ADARB1: variants seen among roughly 807,000 people sequenced by gnomAD.
The protein encoded by ADARB1 is adenosine deaminase RNA specific B1, also known as double-stranded RNA-specific editase 1.
Under a neutral mutation model 52.4 loss-of-function variants are expected in ADARB1, and 10 were observed. The ratio of observed to expected loss-of-function variants is 0.19; its 90% CI spans 0.12 to 0.32. The LOEUF is 0.32. Among genes scored for constraint, ADARB1 ranks in the 10% least tolerant of loss-of-function variants. The pLI, the probability that ADARB1 is intolerant of heterozygous loss-of-function variation, is 1.00. For missense variants in ADARB1, 643 were observed against 922.3 expected (o/e 0.70, Z 3.92); for synonymous variants, 349 against 371.1 (o/e 0.94, Z 0.68).
At chr21:45,219,789 A>G (rs1216996132) in intron 9 of ADARB1, among the ~76,000 whole-genome samples, 1 of 152,126 alleles carries the variant, frequency 6.6e-6, no homozygotes, top group East Asian at 1.9e-4. Flanking sequence ...GTCTCTGGCG[A>G]AGCTTCCCCA....
chr21:45,171,762 A>G (rs1407143688), intron 3 of ADARB1, 78 bp downstream of exon 3: 3 of 1,345,242 alleles, frequency 2.2e-6, no homozygotes, highest in African/African-American at 3.0e-5. Context: ...AATGTATTTC[A>G]TGAGACCAGT....
At chr21:45,150,714 G>A (rs2090241282) in intron 2 of ADARB1, among the ~76,000 whole-genome samples, 1 of 152,176 alleles carries the variant, frequency 6.6e-6, no homozygotes, top group Non-Finnish European at 1.5e-5. Context: ...GCTTTCATGA[G>A]ATGCTGCTTT....
intron 2 of ADARB1, among the ~76,000 whole-genome samples, chr21:45,166,927 A>G (rs1010318255): frequency 2.0e-5 from 3 of 151,844 alleles, no homozygotes; most frequent in Non-Finnish European, 4.4e-5. Flanking sequence ...CATAGGGGAT[A>G]TTTGATAGGG....
chr21:45,218,325 G>A (rs887688385), intron 9 of ADARB1, among the ~76,000 whole-genome samples: 3 of 152,000 alleles, frequency 2.0e-5, no homozygotes, highest in African/African-American at 7.3e-5. Flanking sequence ...CTATTCTGTG[G>A]TTAGTCCCAT....
In ADARB1 at chr21:45,176,054, A is replaced by T; in HGVS notation, c.353A>T (p.Gln118Leu). The change falls in exon 4 of 11, where the codon CAG (glutamine) becomes CTG (leucine). Residue 118 changes from glutamine (Q) to leucine (L), a missense_variant. Gln to Leu is a moderately radical substitution (Grantham distance 113, BLOSUM62 -2). Transcript: ENST00000348831. This position sits in a 1 kb window ranked among gnomAD's most constrained non-coding sequence, Gnocchi z 5.8. ...LFVMSVEVNG[Q>L]VFEGSGPTKK... is the part of the protein sequence containing the mutation. ...GTCATGTCTGTGGAGGTGAATGGCC[A>T]GGTTTTTGAGGGCTCTGGTCCCACA... The T allele has an allele frequency of 1.9e-6, 3 of 1,614,156 alleles. No individual in the cohort carries two copies. The South Asian group carries it at 3.3e-5, about 18-fold the overall frequency.
chr21:45,224,103 A>G lies in ADARB1; in HGVS notation c.*1906A>G. The G allele has an allele frequency of 1.0e-6, 1 of 985,354 alleles. No homozygotes were observed. The highest frequency in any genetic ancestry group is 1.2e-6 in the Non-Finnish European group (1 of 829,944). 61.0% of individuals were successfully genotyped at this position (985,354 alleles called of 1,614,324 possible). On this transcript the variant is annotated 3_prime_UTR_variant, in exon 11 of 11. Transcript: ENST00000348831. The stretch of plus-strand genomic sequence containing the variant: ...GCAGGCTCTTGCACACTCTAGAAAA[A>G]ACACCTTGTAAGTCTGTGCATTTTT...
At chr21:45,079,808 G>C (rs1161834174) in intron 1 of ADARB1, among the ~76,000 whole-genome samples, 1 of 152,170 alleles carries the variant, frequency 6.6e-6, no homozygotes, top group Non-Finnish European at 1.5e-5. Flanking sequence ...TCAAGGTCAG[G>C]TTCAAGAAGA....
At position 45,102,955 on chromosome 21, in the gene ADARB1, C is replaced by G. The variant is rs546269568; in HGVS notation, c.-219-25447C>G. Among the ~76,000 whole-genome samples the G allele has an allele frequency of 2.0e-5, 3 of 152,322 alleles. No homozygotes were observed. The South Asian group carries it at 6.2e-4, about 32-fold the overall frequency. ...CCAGGTCAGCCTCACAGTGGTCAGT[C>G]ACGGTGACAGGGTGTGCCTGATACA... On this transcript the variant is annotated intron_variant, in intron 1 of 10. Transcript: ENST00000348831.
intron 4 of ADARB1, among the ~76,000 whole-genome samples, chr21:45,179,040 T>G (rs1314597748): frequency 2.6e-5 from 4 of 152,252 alleles, no homozygotes; most frequent in Admixed American, 1.3e-4. Flanking sequence ...AATCTTCTTA[T>G]GACTTTTTCT....
intron 1 of ADARB1, among the ~76,000 whole-genome samples, chr21:45,119,702 G>C (rs552613177): frequency 6.6e-6 from 1 of 152,278 alleles, no homozygotes; most frequent in South Asian, 2.1e-4. Context: ...TGCTGCATCA[G>C]AATTTAGAGG....
intron 2 of ADARB1, among the ~76,000 whole-genome samples, chr21:45,146,563 TGGATGTGGGGGTAAACTAGA>T (rs1398803668): frequency 6.6e-6 from 1 of 151,984 alleles, no homozygotes; most frequent in Non-Finnish European, 1.5e-5. Context: ...ACGGATGTGG[TGGATGTGGGGGTAAACTAGA>T]GAGACTAAAG....
chr21:45,092,898 ATT>A (rs10718203), intron 1 of ADARB1, among the ~76,000 whole-genome samples: 3 of 150,002 alleles, frequency 2.0e-5, no homozygotes, highest in Admixed American at 6.6e-5. Flanking sequence ...TGTACCTTTA[ATT>A]TTTTTTTTTC....
rs11911148 is a variant in ADARB1, at chr21:45,088,084, G to C, written c.-220+13291G>C. The stretch of plus-strand genomic sequence containing the variant: ...TGCTGTTGGATTGGGATAGGTGTCA[G>C]TGTGACTCTGTGGTCTTTAATAGAT... On this transcript the variant is annotated intron_variant, in intron 1 of 10. Coordinates refer to ENST00000348831, the MANE Select transcript of ADARB1 (RefSeq NM_001112.4). 8.5e-3 allele frequency among the ~76,000 whole-genome samples: 1,295 copies of C among 152,318 alleles called. 11 individuals are homozygous for C. Among genetic ancestry groups the C allele is most frequent in the African/African-American group, 0.03 (1,241 of 41,560 alleles).
chr21:45,143,137 G>A (rs565912363), intron 2 of ADARB1, among the ~76,000 whole-genome samples: 36 of 152,190 alleles, frequency 2.4e-4, no homozygotes, highest in African/African-American at 7.9e-4. Context: ...CCTCTGCTTC[G>A]GCAGGTGCCC....
chr21:45,119,747 G>A (rs1449740942), intron 1 of ADARB1, among the ~76,000 whole-genome samples: 1 of 152,168 alleles, frequency 6.6e-6, no homozygotes, highest in Admixed American at 6.5e-5. Context: ...TAAAGACGGA[G>A]ATGACTTAGG....
At chr21:45,092,504 C>G (rs963653359) in intron 1 of ADARB1, among the ~76,000 whole-genome samples, 2 of 152,116 alleles carry the variant, frequency 1.3e-5, no homozygotes, top group South Asian at 2.1e-4. Flanking sequence ...GTTGTGAGGA[C>G]CAAATCTTAA....
At chr21:45,173,049 CTG>C (rs894619495) in intron 3 of ADARB1, among the ~76,000 whole-genome samples, 2 of 152,218 alleles carry the variant, frequency 1.3e-5, no homozygotes, top group Non-Finnish European at 2.9e-5. Flanking sequence ...CTCAGGGCCT[CTG>C]TGTCAGGACT....
chr21:45,149,862 A>G (rs187729190), intron 2 of ADARB1, among the ~76,000 whole-genome samples: 1 of 152,394 alleles, frequency 6.6e-6, no homozygotes, highest in Admixed American at 6.5e-5. Flanking sequence ...CAGTGTTTAC[A>G]GTTTTTAAAG....
chr21:45,225,135 C>G lies in ADARB1; in HGVS notation c.*2938C>G. ...TATTAATTCCACAAAGACACTGTCC[C>G]TCAGGACCACTCAGGTACAGCTCTG... On this transcript the variant is annotated 3_prime_UTR_variant, in exon 11 of 11. Coordinates refer to ENST00000348831, the MANE Select transcript of ADARB1 (RefSeq NM_001112.4). 1 of 1,014,362 alleles carries G rather than the reference C, an allele frequency of 9.9e-7. No individual in the cohort carries two copies. The allele number at this position is 1,014,362 out of a possible 1,614,324, so 62.8% of individuals were successfully genotyped here. A position where few individuals can be genotyped will look rare whatever the true frequency, so the allele number is the denominator to read the frequency against.
Sources: allele counts gnomAD v4.1 joint callset (sites outside exome capture counted in the v4.1 genomes callset), GRCh38; gene constraint gnomAD v4.1.1; non-coding constraint Gnocchi (gnomAD v3.1); transcripts MANE v1.5; gene names NCBI Gene and HGNC (gene_info 2026-07-23, HGNC 2026-07-21).